DNAH11: variants seen among roughly 807,000 people sequenced by gnomAD.
The protein encoded by DNAH11 is dynein axonemal heavy chain 11, also known as axonemal beta dynein heavy chain 11.
A neutral mutation model predicts 526.0 loss-of-function variants in DNAH11; 442 were observed. The ratio of observed to expected loss-of-function variants is 0.84; its 90% CI spans 0.78 to 0.91. DNAH11 has a LOEUF of 0.91. Ranked by LOEUF, DNAH11 falls within the 40% of genes least tolerant of loss-of-function variation. The pLI is 0.00. For missense variants in DNAH11, 6,989 were observed against 5,448.7 expected (o/e 1.28, Z -8.90); for synonymous variants, 2,461 against 1,935.9 (o/e 1.27, Z -7.12).
chr7:21,887,661 C>A (rs915266171), intron 76 of DNAH11, among the ~76,000 whole-genome samples: 1 of 152,076 alleles, frequency 6.6e-6, no homozygotes, highest in East Asian at 1.9e-4. Flanking sequence ...AATGGGAAAT[C>A]TTTTTATTAT....
intron 62 of DNAH11, among the ~76,000 whole-genome samples, chr7:21,805,030 G>T (rs112102683): frequency 3.0e-4 from 46 of 151,956 alleles, no homozygotes; most frequent in African/African-American, 1.0e-3. Context: ...TTCTTTGTGC[G>T]TTAGCCTTTC....
rs7794005 is a variant in DNAH11, at chr7:21,800,836, C to T, written c.10027-301C>T. 9.4e-3 allele frequency among the ~76,000 whole-genome samples: 1,436 copies of T among 152,200 alleles called. 16 individuals are homozygous for T. Among genetic ancestry groups the T allele is most frequent in the African/African-American group, 0.033 (1,353 of 41,518 alleles). Reference sequence around the variant, plus strand: ...GCAGAGGGGGATGATAGTGCACCCACGGCGTATTTGCATCTTCAGCGCACA... The same window carrying T: ...GCAGAGGGGGATGATAGTGCACCCATGGCGTATTTGCATCTTCAGCGCACA... On this transcript the variant is annotated intron_variant, in intron 61 of 81. Transcript: ENST00000409508.
At position 21,773,941 on chromosome 7, in the gene DNAH11, C is replaced by A; in HGVS notation, c.9278C>A (p.Ser3093Tyr). 1 of 1,591,150 alleles carries A rather than the reference C, an allele frequency of 6.3e-7. No individual in the cohort carries two copies. Among genetic ancestry groups the A allele is most frequent in the Admixed American group, 1.8e-5 (1 of 56,362 alleles). ...NLLKKKQNEV[S>Y]EKKERLVNGI... The stretch of plus-strand genomic sequence containing the variant: ...TTGAAGAAGAAGCAAAATGAGGTAT[C>A]CGAGAAAAAAGAACGCCTGGTGAAC... The change falls in exon 56 of 82, where the codon TCC becomes TAC. Residue 3093 changes from serine to tyrosine, a missense_variant. Coordinates refer to ENST00000409508, the MANE Select transcript of DNAH11 (RefSeq NM_001277115.2).
chr7:21,719,540 C>T (rs904229635), intron 43 of DNAH11, among the ~76,000 whole-genome samples: 1 of 152,322 alleles, frequency 6.6e-6, no homozygotes, highest in African/African-American at 2.4e-5. Flanking sequence ...CTTAGAACAA[C>T]ATGGCTTCTA....
At chr7:21,827,885 A>C (rs1007420416) in intron 65 of DNAH11, among the ~76,000 whole-genome samples, 5 of 152,148 alleles carry the variant, frequency 3.3e-5, no homozygotes, top group African/African-American at 1.2e-4. Context: ...AACATGTTAA[A>C]TTGAACGCTA....
At chr7:21,876,834 C>A (rs1331336582) in intron 74 of DNAH11, among the ~76,000 whole-genome samples, 1 of 152,250 alleles carries the variant, frequency 6.6e-6, no homozygotes. Context: ...ATTCTCCTTT[C>A]ATCTCATTGG....
At chr7:21,786,326 G>GTGTGTA (rs1244190872) in intron 58 of DNAH11, among the ~76,000 whole-genome samples, 1 of 151,788 alleles carries the variant, frequency 6.6e-6, no homozygotes, top group African/African-American at 2.4e-5. Flanking sequence ...GTGTGTGTGT[G>GTGTGTA]TGTATCCTGG....
chr7:21,599,049 C>T (rs192405269), intron 14 of DNAH11, among the ~76,000 whole-genome samples: 73 of 152,250 alleles, frequency 4.8e-4, no homozygotes, highest in Non-Finnish European at 1.2e-4. Context: ...AATGAACATA[C>T]ATGTGTGTGT....
At chr7:21,840,821 T>G (rs1782177751) in intron 65 of DNAH11, among the ~76,000 whole-genome samples, 1 of 152,352 alleles carries the variant, frequency 6.6e-6, no homozygotes, top group African/African-American at 2.4e-5. Context: ...AGTAGAGATG[T>G]TGAGGCAGAC....
At chr7:21,593,680 G>T (rs1583510875) in intron 14 of DNAH11, among the ~76,000 whole-genome samples, 1 of 152,106 alleles carries the variant, frequency 6.6e-6, no homozygotes, top group African/African-American at 2.4e-5. Context: ...GGTGCTCACA[G>T]ATGTGCAATG....
chr7:21,751,157 C>G (rs1368629332), intron 54 of DNAH11, among the ~76,000 whole-genome samples: 1 of 152,118 alleles, frequency 6.6e-6, no homozygotes. Context: ...AACCCCATCT[C>G]TACTAAAAAC....
chr7:21,578,689 C>A (rs1280485765), intron 8 of DNAH11, among the ~76,000 whole-genome samples: 1 of 152,226 alleles, frequency 6.6e-6, no homozygotes, highest in Non-Finnish European at 1.5e-5. Context: ...CTGCAACTGA[C>A]TTCTGCCTAG....
intron 80 of DNAH11, 50 bp downstream of exon 80, chr7:21,899,498 AC>A: frequency 7.1e-7 from 1 of 1,416,874 alleles, no homozygotes; most frequent in Non-Finnish European, 9.8e-7. Context: ...CCACAGCCTA[AC>A]CAGAAGCCCT....
At position 21,687,758 on chromosome 7, in the gene DNAH11, A is replaced by G. The variant is rs113307465; in HGVS notation, c.5924+231A>G. 6.5e-3 allele frequency among the ~76,000 whole-genome samples: 991 copies of G among 152,318 alleles called. 9 individuals carry two copies. The highest frequency in any genetic ancestry group is 0.022 in the African/African-American group (918 of 41,566). ...ATTACTTTAATCACTTAAAAAACAA[A>G]CAACTTCTAGGATTGGCCAGACACA... On this transcript the variant is annotated intron_variant, in intron 34 of 81. Transcript: ENST00000409508.
At chr7:21,649,364 A>C (rs1787519214) in intron 28 of DNAH11, among the ~76,000 whole-genome samples, 1 of 152,250 alleles carries the variant, frequency 6.6e-6, no homozygotes, top group African/African-American at 2.4e-5. Flanking sequence ...TATTTATAAT[A>C]GTCCAAAATG....
intron 28 of DNAH11, among the ~76,000 whole-genome samples, chr7:21,654,262 G>A (rs1298864875): frequency 6.6e-6 from 1 of 152,088 alleles, no homozygotes; most frequent in Non-Finnish European, 1.5e-5. Flanking sequence ...GCCCCTAGCA[G>A]CCGCCAATCT....
intron 22 of DNAH11, 101 bp downstream of exon 22, chr7:21,616,393 T>C (rs1785786072): frequency 1.2e-6 from 1 of 861,756 alleles, no homozygotes; most frequent in South Asian, 2.1e-5. Context: ...TGCATGTACT[T>C]ATTTACTTCT....
At chr7:21,635,424 G>A (rs1786815516) in intron 25 of DNAH11, among the ~76,000 whole-genome samples, 1 of 152,094 alleles carries the variant, frequency 6.6e-6, no homozygotes, top group Admixed American at 6.5e-5. Context: ...CCAAAGTGCT[G>A]GGATTACAGG....
At chr7:21,571,416 A>G (rs1411063373) in intron 7 of DNAH11, among the ~76,000 whole-genome samples, 6 of 152,142 alleles carry the variant, frequency 3.9e-5, no homozygotes, top group Non-Finnish European at 4.4e-5. Context: ...AGTAGCTGGG[A>G]CTACAGGTGC....
Sources: allele counts gnomAD v4.1 joint callset (sites outside exome capture counted in the v4.1 genomes callset), GRCh38; gene constraint gnomAD v4.1.1; transcripts MANE v1.5; gene names NCBI Gene and HGNC (gene_info 2026-07-23, HGNC 2026-07-21).